The following RIMBP2 variants were observed in gnomAD, a reference collection of about 807,000 sequenced individuals.
The protein encoded by RIMBP2 is RIMS-binding protein 2.
A neutral mutation model predicts 118.6 loss-of-function variants in RIMBP2; 48 were observed. The ratio of observed to expected loss-of-function variants is 0.40; its 90% CI spans 0.32 to 0.51. RIMBP2 has a LOEUF of 0.51. Ranked by LOEUF, RIMBP2 falls within the 20% of genes least tolerant of loss-of-function variation. The pLI is 0.41. For missense variants in RIMBP2, 1,551 were observed against 1,768.3 expected (o/e 0.88, Z 2.20); for synonymous variants, 762 against 742.9 (o/e 1.03, Z -0.42).
intron 1 of RIMBP2, among the ~76,000 whole-genome samples, chr12:130,650,973 A>AAAAAAAAG (rs71088775): frequency 1.2e-4 from 17 of 143,278 alleles, no homozygotes; most frequent in South Asian, 2.2e-4. Flanking sequence ...AAAAAAAAAA[A>AAAAAAAAG]AAAGAAAGAA....
rs140849546 is a variant in RIMBP2 at position 130,496,696 on chromosome 12, G to C, written c.-4+9952C>G. Among the ~76,000 whole-genome samples, 3 of 152,226 alleles carry C rather than the reference G, an allele frequency of 2.0e-5. No homozygotes were observed. In the East Asian group the frequency reaches 5.8e-4, roughly 30 times the overall value. On this transcript the variant is annotated intron_variant, in intron 4 of 22. Coordinates refer to ENST00000690449, the MANE Select transcript of RIMBP2 (RefSeq NM_001393629.1). ...GCTCCCCAGAAAGTGACCACATGAT[G>C]GTTTCCTGCCTGTGATGGCCTCCTT...
chr12:130,428,378 C>T (rs2076931020), intron 14 of RIMBP2, 41 bp from the exon 15 acceptor site: 2 of 1,574,876 alleles, frequency 1.3e-6, no homozygotes, highest in African/African-American at 2.7e-5. Flanking sequence ...GGTGGCTCCT[C>T]CCGCATCCTA....
chr12:130,694,072 C>T (rs118101907), intron 1 of RIMBP2, among the ~76,000 whole-genome samples: 4 of 152,166 alleles, frequency 2.6e-5, no homozygotes, highest in East Asian at 1.9e-4. Context: ...TGAGGCACTG[C>T]GTAACTGAGC....
chr12:130,535,726 T>TAC (rs1251943923), intron 2 of RIMBP2, among the ~76,000 whole-genome samples: 3 of 45,812 alleles, frequency 6.5e-5, no homozygotes, highest in African/African-American at 1.5e-4. Context: ...TACATATATA[T>TAC]ACATATATAT....
At chr12:130,666,402 G>A (rs2136399604) in intron 1 of RIMBP2, among the ~76,000 whole-genome samples, 1 of 152,144 alleles carries the variant, frequency 6.6e-6, no homozygotes, top group Non-Finnish European at 1.5e-5. Flanking sequence ...ACGGCACCAA[G>A]CAGTATTGTC....
intron 4 of RIMBP2, among the ~76,000 whole-genome samples, chr12:130,499,863 C>A (rs1249042643): frequency 1.3e-5 from 2 of 152,210 alleles, no homozygotes; most frequent in Non-Finnish European, 2.9e-5. Context: ...TTTCCAGAAA[C>A]TAGAAAGCGT....
intron 2 of RIMBP2, among the ~76,000 whole-genome samples, chr12:130,569,966 A>G (rs4759494): frequency 0.82 from 124,188 of 152,156 alleles, 51,933 homozygotes; most frequent in Non-Finnish European, 0.91. Flanking sequence ...AACCTACCTT[A>G]CTCTGCACAC....
At chr12:130,458,802 T>G (rs562768960) in intron 6 of RIMBP2, among the ~76,000 whole-genome samples, 58 of 152,244 alleles carry the variant, frequency 3.8e-4, no homozygotes, top group African/African-American at 1.4e-3. Context: ...CCCAGCACTT[T>G]GAGAGGCCGA....
intron 21 of RIMBP2, among the ~76,000 whole-genome samples, chr12:130,403,518 T>A (rs1312349379): frequency 6.6e-6 from 1 of 152,188 alleles, no homozygotes; most frequent in Non-Finnish European, 1.5e-5. Context: ...TCTGAAGATA[T>A]GTAGATTGTT....
chr12:130,561,986 GA>G (rs919737296), intron 2 of RIMBP2, among the ~76,000 whole-genome samples: 1 of 151,988 alleles, frequency 6.6e-6, no homozygotes, highest in African/African-American at 2.4e-5. Flanking sequence ...GAAAAGTGCA[GA>G]AAAAATGACG....
intron 2 of RIMBP2, among the ~76,000 whole-genome samples, chr12:130,612,050 TG>T (rs2060589093): frequency 6.6e-6 from 1 of 152,188 alleles, no homozygotes; most frequent in South Asian, 2.1e-4. Flanking sequence ...TGCAGGGATC[TG>T]GGCAGCAGAT....
intron 2 of RIMBP2, among the ~76,000 whole-genome samples, chr12:130,526,935 G>A (rs987743683): frequency 6.6e-6 from 1 of 152,192 alleles, no homozygotes; most frequent in Admixed American, 6.5e-5. Context: ...AAAGCCGCTG[G>A]TGGGAAGCCT....
intron 2 of RIMBP2, among the ~76,000 whole-genome samples, chr12:130,611,093 A>G (rs1395722597): frequency 6.6e-6 from 1 of 152,214 alleles, no homozygotes; most frequent in Non-Finnish European, 1.5e-5. Flanking sequence ...AGAAGAGAGC[A>G]TTGTGCCTCT....
At chr12:130,647,090 G>A (rs2063018575) in intron 1 of RIMBP2, among the ~76,000 whole-genome samples, 1 of 152,184 alleles carries the variant, frequency 6.6e-6, no homozygotes. Flanking sequence ...TCCTTCACGG[G>A]GAATTCCAGG....
At chr12:130,462,168 C>T (rs963880917) in intron 6 of RIMBP2, among the ~76,000 whole-genome samples, 2 of 152,178 alleles carry the variant, frequency 1.3e-5, no homozygotes, top group African/African-American at 4.8e-5. Context: ...GTAGATGCCC[C>T]CGGCTGTACC....
chr12:130,654,476 A>C (rs1461873689), intron 1 of RIMBP2, among the ~76,000 whole-genome samples: 11 of 152,228 alleles, frequency 7.2e-5, no homozygotes. Flanking sequence ...TTCACTGTCC[A>C]AATCACTATT....
chr12:130,500,780 A>G (rs11060958), intron 4 of RIMBP2, among the ~76,000 whole-genome samples: 35,807 of 151,996 alleles, frequency 0.24, 4,586 homozygotes, highest in Non-Finnish European at 0.28. Flanking sequence ...TAGGACATGG[A>G]AGACACAAGA....
chr12:130,398,425 A>G (rs1279849538), intron 22 of RIMBP2: 1 of 152,674 alleles, frequency 6.5e-6, no homozygotes, highest in African/African-American at 2.4e-5. Flanking sequence ...TCTAATGGAA[A>G]ACACCTAGTA....
At chr12:130,659,233 A>G (rs1038004325) in intron 1 of RIMBP2, among the ~76,000 whole-genome samples, 1 of 152,258 alleles carries the variant, frequency 6.6e-6, no homozygotes, top group Non-Finnish European at 1.5e-5. Flanking sequence ...ATTTCACTCA[A>G]TGTATCCGAA....
Sources: allele counts gnomAD v4.1 joint callset (sites outside exome capture counted in the v4.1 genomes callset), GRCh38; gene constraint gnomAD v4.1.1; transcripts MANE v1.5; gene names NCBI Gene and HGNC (gene_info 2026-07-23, HGNC 2026-07-21).